MYO3B: variants seen among roughly 807,000 people sequenced by gnomAD.
The protein encoded by MYO3B is myosin-IIIb.
A neutral mutation model predicts 174.6 loss-of-function variants in MYO3B; 156 were observed. The observed-to-expected ratio is 0.89, with a 90% CI of 0.78 to 1.02. The LOEUF (loss-of-function observed/expected upper bound fraction) is 1.02, where lower values mean the gene tolerates loss of function less well. MYO3B is among the 50% of genes least tolerant of loss of function. MYO3B has a pLI of 0.00. For missense variants in MYO3B, 1,632 were observed against 1,639.4 expected (o/e 1.00, Z 0.08); for synonymous variants, 563 against 569.1 (o/e 0.99, Z 0.15).
chr2:170,229,814 T>C (rs12475724), intron 6 of MYO3B, among the ~76,000 whole-genome samples: 45,025 of 152,004 alleles, frequency 0.3, 7,622 homozygotes, highest in South Asian at 0.52. Context: ...TGAGAAGCTG[T>C]AAGCTCAGGT....
At chr2:170,296,987 C>T (rs1271132421) in intron 7 of MYO3B, among the ~76,000 whole-genome samples, 1 of 152,152 alleles carries the variant, frequency 6.6e-6, no homozygotes, top group African/African-American at 2.4e-5. Context: ...ATCCAATCGC[C>T]TCCCACCAGG....
intron 32 of MYO3B, chr2:170,640,294 T>G (rs933797954): frequency 6.6e-6 from 1 of 152,224 alleles, no homozygotes; most frequent in Non-Finnish European, 1.5e-5. Context: ...CACTCCAGTA[T>G]AACAAGAAAT....
chr2:170,561,435 TGCTAATTTC>T (rs1559117141), intron 32 of MYO3B, among the ~76,000 whole-genome samples: 1 of 152,238 alleles, frequency 6.6e-6, no homozygotes, highest in African/African-American at 2.4e-5. Context: ...TGGTCATCCA[TGCTAATTTC>T]CCACATTCTT....
chr2:170,283,291 C>T (rs1189416900), intron 7 of MYO3B, among the ~76,000 whole-genome samples: 1 of 152,156 alleles, frequency 6.6e-6, no homozygotes, highest in African/African-American at 2.4e-5. Context: ...GGAGATCCCT[C>T]TTATCCATTT....
At chr2:170,282,004 G>A (rs569150340) in intron 7 of MYO3B, among the ~76,000 whole-genome samples, 215 of 152,206 alleles carry the variant, frequency 1.4e-3, no homozygotes, top group African/African-American at 5.0e-3. Flanking sequence ...CTGGATATTA[G>A]CCCCTTGTCA....
intron 7 of MYO3B, among the ~76,000 whole-genome samples, chr2:170,239,334 G>T (rs1164259506): frequency 6.6e-6 from 1 of 152,174 alleles, no homozygotes; most frequent in Non-Finnish European, 1.5e-5. Flanking sequence ...CAATTATGTT[G>T]GTCTCTTGAC....
intron 24 of MYO3B, among the ~76,000 whole-genome samples, chr2:170,464,154 A>T (rs1330107864): frequency 6.6e-6 from 1 of 151,852 alleles, no homozygotes; most frequent in African/African-American, 2.4e-5. Flanking sequence ...GAGTTAAGAG[A>T]CCAGCCTGGC....
intron 32 of MYO3B, among the ~76,000 whole-genome samples, chr2:170,647,761 A>G (rs1698490345): frequency 6.6e-6 from 1 of 152,218 alleles, no homozygotes; most frequent in African/African-American, 2.4e-5. Context: ...CAGGAAAAAA[A>G]TAAAAGCCAA....
intron 32 of MYO3B, chr2:170,601,823 T>A: frequency 9.6e-7 from 1 of 1,040,484 alleles, no homozygotes; most frequent in East Asian, 2.4e-5. Context: ...TCTGCAAAAG[T>A]GTTATTCCAC....
At chr2:170,564,196 G>C (rs1476649649) in intron 32 of MYO3B, among the ~76,000 whole-genome samples, 2 of 152,218 alleles carry the variant, frequency 1.3e-5, no homozygotes, top group Non-Finnish European at 2.9e-5. Flanking sequence ...AAGGCAGCCA[G>C]GTGTGGTGGC....
At chr2:170,353,048 C>G (rs991878809) in intron 8 of MYO3B, among the ~76,000 whole-genome samples, 3 of 152,158 alleles carry the variant, frequency 2.0e-5, no homozygotes, top group African/African-American at 7.2e-5. Context: ...AGCAATCGCC[C>G]TTTTTAATAT....
At chr2:170,195,198 C>T (rs929930173) in intron 1 of MYO3B, among the ~76,000 whole-genome samples, 1 of 151,948 alleles carries the variant, frequency 6.6e-6, no homozygotes, top group Non-Finnish European at 1.5e-5. Flanking sequence ...AAAGACCCCA[C>T]CCACAGGCAT....
At chr2:170,504,395 A>G (rs1208794916) in intron 28 of MYO3B, among the ~76,000 whole-genome samples, 1 of 152,204 alleles carries the variant, frequency 6.6e-6, no homozygotes, top group Non-Finnish European at 1.5e-5. Context: ...ACATGTTGCT[A>G]CAGGGCAGCA....
intron 7 of MYO3B, among the ~76,000 whole-genome samples, chr2:170,310,686 A>AAAAAAAAAAAAG (rs1394362887): frequency 1.8e-4 from 27 of 150,954 alleles, no homozygotes; most frequent in African/African-American, 6.1e-4. Context: ...AAAAAAAAAA[A>AAAAAAAAAAAAG]AGAAATACAT....
intron 14 of MYO3B, among the ~76,000 whole-genome samples, chr2:170,388,381 T>C (rs900306945): frequency 2.0e-5 from 3 of 151,912 alleles, no homozygotes; most frequent in Non-Finnish European, 4.4e-5. Context: ...ACACATAACC[T>C]AGTCTAGGGA....
intron 7 of MYO3B, among the ~76,000 whole-genome samples, chr2:170,256,264 G>T (rs1166643737): frequency 6.6e-6 from 1 of 152,126 alleles, no homozygotes; most frequent in Admixed American, 6.5e-5. Flanking sequence ...AGGTTAATAT[G>T]CAAATTCAAA....
At chr2:170,602,256 C>T in intron 32 of MYO3B, 1 of 829,858 alleles carries the variant, frequency 1.2e-6, no homozygotes, top group South Asian at 1.4e-5. Flanking sequence ...CAGCGAGGCA[C>T]ACAGTCACCC....
chr2:170,260,208 T>C (rs1447896346), intron 7 of MYO3B, among the ~76,000 whole-genome samples: 1 of 152,184 alleles, frequency 6.6e-6, no homozygotes, highest in Non-Finnish European at 1.5e-5. Context: ...GCAATCCCAT[T>C]ACTGGGTATA....
rs915213631 is a variant in MYO3B at position 170,338,541 on chromosome 2, T to C, written c.815+3091T>C. The stretch of plus-strand genomic sequence containing the variant: ...ATATTTCTCAAAATTGGGAACTGAT[T>C]ATTATATTATATATCTTTAAATAGA... On this transcript the variant is annotated intron_variant, in intron 8 of 34. Coordinates refer to ENST00000408978, the MANE Select transcript of MYO3B (RefSeq NM_138995.5). Among the ~76,000 whole-genome samples the C allele has an allele frequency of 7.9e-5, 12 of 152,162 alleles. 1 individual carries two copies. The highest frequency in any genetic ancestry group is 7.9e-4 in the Admixed American group (12 of 15,274).
Sources: allele counts gnomAD v4.1 joint callset (sites outside exome capture counted in the v4.1 genomes callset), GRCh38; gene constraint gnomAD v4.1.1; transcripts MANE v1.5; gene names NCBI Gene and HGNC (gene_info 2026-07-23, HGNC 2026-07-21).